Variants in RECQL5 observed in about 807,000 individuals in gnomAD.
RECQL5 encodes the protein ATP-dependent DNA helicase Q5.
RECQL5 carries 88 observed loss-of-function variants against 103.4 expected under a neutral mutation model. That is an observed-to-expected ratio of 0.85 (90% CI 0.72 to 1.02). The LOEUF (loss-of-function observed/expected upper bound fraction) is 1.02, where lower values mean the gene tolerates loss of function less well. Ranked by LOEUF, RECQL5 falls within the 50% of genes least tolerant of loss-of-function variation. The pLI is 0.00. For synonymous variants in RECQL5, 552 were observed against 507.9 expected (o/e 1.09, Z -1.17); for missense variants, 1,232 against 1,284.3 (o/e 0.96, Z 0.62).
At position 75,630,843 on chromosome 17, in the gene RECQL5, G is replaced by T. The variant is rs74948442; in HGVS notation, c.1586-6C>A. On this transcript the variant is annotated splice_polypyrimidine_tract_variant and splice_region_variant and intron_variant, in intron 11 of 19. Coordinates refer to ENST00000317905, the MANE Select transcript of RECQL5 (RefSeq NM_004259.7). Reference sequence around the variant, plus strand: ...TTTCAGGGGACAGTTCTCATCTGTGGGGGGGGGGGGTGGTCCTTGGTCCTT... The same window carrying T: ...TTTCAGGGGACAGTTCTCATCTGTGTGGGGGGGGGGTGGTCCTTGGTCCTT... The T allele has an allele frequency of 5.8e-3, 7,618 of 1,310,486 alleles. 147 individuals carry two copies. The highest frequency in any genetic ancestry group is 6.9e-3 in the Non-Finnish European group (6,829 of 985,084). 81.2% of individuals were successfully genotyped at this position (1,310,486 alleles called of 1,614,324 possible).
chr17:75,663,099 C>A, intron 3 of RECQL5, 102 bp from the exon 4 acceptor site: 1 of 1,115,354 alleles, frequency 9.0e-7, no homozygotes, highest in South Asian at 1.5e-5. Context: ...CTCCTCCCAC[C>A]CTCCAATATA....
At chr17:75,634,451 CA>C (rs2059281346) in intron 8 of RECQL5, among the ~76,000 whole-genome samples, 1 of 152,240 alleles carries the variant, frequency 6.6e-6, no homozygotes, top group African/African-American at 2.4e-5. Flanking sequence ...TGCTGTGCAG[CA>C]GAGGGGCCCC....
At chr17:75,630,481 G>T in intron 13 of RECQL5, 138 bp downstream of exon 13, 1 of 1,009,398 alleles carries the variant, frequency 9.9e-7, no homozygotes, top group Non-Finnish European at 1.5e-6. Context: ...TGGTGGGGTT[G>T]TAGGGGCAGT....
chr17:75,641,027 G>A, intron 8 of RECQL5: 1 of 1,445,872 alleles, frequency 6.9e-7, no homozygotes, highest in Non-Finnish European at 9.2e-7. Flanking sequence ...GCCCAGCCCA[G>A]GTACCTGGAC....
chr17:75,627,887 C>T (rs1012467375), intron 18 of RECQL5, among the ~76,000 whole-genome samples, 195 bp from the exon 19 acceptor site: 3 of 151,830 alleles, frequency 2.0e-5, no homozygotes, highest in South Asian at 2.1e-4. Flanking sequence ...GGCGTGGTGG[C>T]GGGTGCCTGT....
rs1398659180 is a variant in RECQL5, at chr17:75,630,679, C to T, written c.1658G>A (p.Cys553Tyr). Residue 553 changes from cysteine (C) to tyrosine (Y), a missense_variant, in exon 13 of 20, where the codon TGC becomes TAC. Coordinates refer to ENST00000317905, the MANE Select transcript of RECQL5 (RefSeq NM_004259.7). ...PRLTVKAREH[C>Y]LRLLEEALSS... ...CAGCGCCTCCTCCAGAAGCCGCAGG[C>T]AGTGCTCCCGTGCCTGGCACAGGAC... The T allele has an allele frequency of 6.2e-7, 1 of 1,613,648 alleles. No individual in the cohort carries two copies. Among genetic ancestry groups the T allele is most frequent in the Non-Finnish European group, 8.5e-7 (1 of 1,179,988 alleles).
At chr17:75,634,330 C>T in intron 8 of RECQL5, 6 of 908,482 alleles carry the variant, frequency 6.6e-6, no homozygotes, top group Non-Finnish European at 7.9e-6. Flanking sequence ...TGGGTCGCTT[C>T]CCTGCAGGGA....
rs1168130975 is a variant in RECQL5 at position 75,627,696 on chromosome 17, G to C, written c.2806-4C>G. The C allele has an allele frequency of 6.2e-7, 1 of 1,601,042 alleles. No individual in the cohort carries two copies. The highest frequency in any genetic ancestry group is 1.1e-5 in the South Asian group (1 of 89,486). On this transcript the variant is annotated splice_region_variant and splice_polypyrimidine_tract_variant and intron_variant, in intron 18 of 19. Transcript: ENST00000317905. The stretch of plus-strand genomic sequence containing the variant: ...GGGCAAAGCCTTTAAACAACTCCTG[G>C]AAGGGAGAGGGAGAAGAGAAGCAGA...
At chr17:75,648,429 G>A (rs1372128863) in intron 8 of RECQL5, among the ~76,000 whole-genome samples, 5 of 151,904 alleles carry the variant, frequency 3.3e-5, no homozygotes, top group African/African-American at 9.7e-5. Context: ...GCTAGAGTGC[G>A]GTGGCGCTAT....
chr17:75,639,986 G>A, intron 8 of RECQL5: 1 of 597,362 alleles, frequency 1.7e-6, no homozygotes, highest in Non-Finnish European at 2.8e-6. Flanking sequence ...TCCACCCTGA[G>A]CTGTGTCAGC....
intron 8 of RECQL5, chr17:75,635,654 T>C (rs1233726348): frequency 2.4e-6 from 1 of 418,048 alleles, no homozygotes; most frequent in African/African-American, 2.2e-5. Flanking sequence ...CACAGGACCC[T>C]GCAAATCTCC....
intron 3 of RECQL5, 80 bp downstream of exon 3, chr17:75,664,971 A>G: frequency 2.7e-6 from 4 of 1,482,744 alleles, no homozygotes; most frequent in Admixed American, 5.3e-5. Flanking sequence ...CAAAAGACCA[A>G]TAGAGAAGTG....
chr17:75,657,375 AAC>A (rs1368233609), intron 7 of RECQL5, among the ~76,000 whole-genome samples: 2 of 152,178 alleles, frequency 1.3e-5, no homozygotes, highest in Non-Finnish European at 2.9e-5. Flanking sequence ...GAGCCTGAGC[AAC>A]ACAGAGAGAC....
chr17:75,637,675 GGT>G (rs1043626268), intron 8 of RECQL5: 1 of 152,304 alleles, frequency 6.6e-6, no homozygotes, highest in African/African-American at 2.4e-5. Context: ...CCGGCCTGGT[GGT>G]GATATGCTGA....
intron 3 of RECQL5, 137 bp downstream of exon 3, chr17:75,664,912 CAA>C (rs371470695): frequency 0.061 from 53,878 of 887,742 alleles, no homozygotes; most frequent in Admixed American, 0.099. Flanking sequence ...GACTCTGTCT[CAA>C]AAAAAAAAAA....
chr17:75,628,451 G>T lies in RECQL5; in HGVS notation c.2581-9C>A. 6.2e-7 allele frequency: 1 copy of T among 1,612,116 alleles called. No individual in the cohort carries two copies. The highest frequency in any genetic ancestry group is 8.5e-7 in the Non-Finnish European group (1 of 1,179,242). ...TGGCTCTCTGGGTTCTCCTGAGAAG[G>T]GCCACAGCAGAGGGTCACTCCTGAG... is the stretch of plus-strand genomic sequence containing the variant. On this transcript the variant is annotated splice_polypyrimidine_tract_variant and intron_variant, in intron 17 of 19. Coordinates refer to ENST00000317905, the MANE Select transcript of RECQL5 (RefSeq NM_004259.7).
chr17:75,667,081 C>G lies in RECQL5; in HGVS notation c.-52G>C, dbSNP rs2059797801. ...TGGTCCGCCCAAGAATTAAAGGCTG[C>G]TGGCTGGTTCCGGAACTGTTCGAAG... On this transcript the variant is annotated 5_prime_UTR_variant, in exon 1 of 20. Coordinates refer to ENST00000317905, the MANE Select transcript of RECQL5 (RefSeq NM_004259.7). 2.6e-6 allele frequency: 1 copy of G among 390,004 alleles called. No homozygotes were observed. Among genetic ancestry groups the G allele is most frequent in the Non-Finnish European group, 4.6e-6 (1 of 215,712 alleles). 24.2% of individuals were successfully genotyped at this position (390,004 alleles called of 1,614,324 possible).
intron 8 of RECQL5, chr17:75,634,011 T>C: frequency 1.0e-6 from 1 of 985,542 alleles, no homozygotes; most frequent in African/African-American, 1.7e-5. Flanking sequence ...CTCGCGACGG[T>C]AATTTGACAC....
chr17:75,654,202 AG>A (rs767236165), intron 7 of RECQL5, among the ~76,000 whole-genome samples: 1 of 152,170 alleles, frequency 6.6e-6, no homozygotes, highest in South Asian at 2.1e-4. Context: ...CCCCTGAAAT[AG>A]CTTTGTTTTT....
Sources: gnomAD v4.1 joint callset for allele counts (sites outside exome capture counted in the v4.1 genomes callset) on GRCh38, gnomAD v4.1.1 for gene constraint, MANE v1.5 for transcripts, NCBI Gene and HGNC (gene_info 2026-07-23, HGNC 2026-07-21) for gene names.